The following NOX4 variants were observed in gnomAD, a reference collection of about 807,000 sequenced individuals.
NOX4 encodes the protein kidney oxidase-1.
A neutral mutation model predicts 87.6 loss-of-function variants in NOX4; 69 were observed. That is an observed-to-expected ratio of 0.79 (90% CI 0.65 to 0.96). The LOEUF (loss-of-function observed/expected upper bound fraction) is 0.96, where lower values mean the gene tolerates loss of function less well. Ranked by LOEUF, NOX4 falls within the 40% of genes least tolerant of loss-of-function variation. NOX4 has a pLI of 0.00. For synonymous variants in NOX4, 275 were observed against 238.2 expected, an observed-to-expected ratio of 1.15 and a Z score of -1.42; for missense variants, 680 against 681.5, an observed-to-expected ratio of 1.00 and a Z score of 0.02.
intron 7 of NOX4, among the ~76,000 whole-genome samples, chr11:89,426,798 A>G (rs1170234075): frequency 6.6e-6 from 1 of 152,170 alleles, no homozygotes; most frequent in Non-Finnish European, 1.5e-5. Flanking sequence ...CTCGGGGGGC[A>G]GGGCATAGCC....
At chr11:89,478,992 C>G (rs547680333) in intron 2 of NOX4, among the ~76,000 whole-genome samples, 5 of 148,472 alleles carry the variant, frequency 3.4e-5, no homozygotes, top group East Asian at 2.0e-4. Context: ...ATAATGAGAT[C>G]CTGTTTTGTT....
intron 2 of NOX4, among the ~76,000 whole-genome samples, chr11:89,455,744 A>ATATATATATATATATATATATATGTG (rs1163284365): frequency 1.4e-5 from 2 of 146,898 alleles, no homozygotes; most frequent in African/African-American, 5.2e-5. Context: ...ATATATATAT[A>ATATATATATATATATATATATATGTG]TGAAACAAAA....
chr11:89,411,334 C>T (rs1479968642), intron 8 of NOX4, among the ~76,000 whole-genome samples: 4 of 152,020 alleles, frequency 2.6e-5, no homozygotes, highest in African/African-American at 7.2e-5. Context: ...ACTCCTTCTG[C>T]GTAAGAAAAG....
At chr11:89,533,725 G>A in the NOX4 span, 1 of 152,176 alleles carries the variant, frequency 6.6e-6, no homozygotes, top group Non-Finnish European at 1.5e-5. Flanking sequence ...AAGACCCCAG[G>A]CTACGGCTAT....
intron 4 of NOX4, among the ~76,000 whole-genome samples, chr11:89,444,962 G>C (rs1181780776): frequency 6.6e-6 from 1 of 152,110 alleles, no homozygotes; most frequent in Non-Finnish European, 1.5e-5. Context: ...GGTTGGGTAA[G>C]GAAGGAGAAA....
At chr11:89,581,808 T>C in the NOX4 span, among the ~76,000 whole-genome samples, 4 of 152,284 alleles carry the variant, frequency 2.6e-5, no homozygotes, top group South Asian at 4.1e-4. Context: ...CCACAATCTA[T>C]GCCATAAACT....
chr11:89,408,735 A>T (rs1942317909), intron 8 of NOX4, among the ~76,000 whole-genome samples: 1 of 152,172 alleles, frequency 6.6e-6, no homozygotes, highest in South Asian at 2.1e-4. Context: ...TAGGAATAAC[A>T]TCATGTGTTT....
At chr11:89,518,628 C>T in the NOX4 span, among the ~76,000 whole-genome samples, 3 of 151,996 alleles carry the variant, frequency 2.0e-5, no homozygotes, top group Admixed American at 1.3e-4. Context: ...ACAGCACGTC[C>T]TCCTCCCTTA....
chr11:89,508,709 G>C, the NOX4 span, among the ~76,000 whole-genome samples: 1 of 151,988 alleles, frequency 6.6e-6, no homozygotes, highest in Non-Finnish European at 1.5e-5. Context: ...CAATCTCCCC[G>C]GCACCAGGCC....
chr11:89,369,498 C>A (rs1258685043), intron 12 of NOX4, among the ~76,000 whole-genome samples: 3 of 152,070 alleles, frequency 2.0e-5, no homozygotes, highest in African/African-American at 7.2e-5. Context: ...AACACAGTAG[C>A]TGTTTAACAT....
intron 13 of NOX4, among the ~76,000 whole-genome samples, chr11:89,344,179 T>C (rs950349860): frequency 6.6e-6 from 1 of 151,628 alleles, no homozygotes; most frequent in African/African-American, 2.4e-5. Context: ...ACATTTAATG[T>C]TCATATAAGT....
intron 6 of NOX4, 148 bp downstream of exon 6, chr11:89,440,540 G>C: frequency 2.3e-6 from 1 of 437,844 alleles, no homozygotes; most frequent in Non-Finnish European, 4.2e-6. Context: ...GATCAGGCTG[G>C]TTTCGAGTTC....
intron 8 of NOX4, among the ~76,000 whole-genome samples, chr11:89,415,114 T>C (rs948777428): frequency 2.6e-5 from 4 of 151,928 alleles, no homozygotes; most frequent in East Asian, 3.9e-4. Context: ...ATCTGTAAAA[T>C]AGAAATGATA....
chr11:89,418,589 C>T lies in NOX4; in HGVS notation c.629+3313G>A, dbSNP rs190061072. Among the ~76,000 whole-genome samples the T allele has an allele frequency of 2.0e-4, 31 of 151,728 alleles. No individual in the cohort carries two copies. The East Asian group carries it at 5.8e-3, about 28-fold the overall frequency. ...AAAATTGAGATCTGAAATATCACAACGTGAGAAACAGATGAATAGAATTTA... is the reference window on the plus strand; with the variant it reads ...AAAATTGAGATCTGAAATATCACAATGTGAGAAACAGATGAATAGAATTTA... On this transcript the variant is annotated intron_variant, in intron 8 of 17. Transcript: ENST00000263317.
At chr11:89,470,210 A>T (rs1452621867) in intron 2 of NOX4, among the ~76,000 whole-genome samples, 3 of 152,126 alleles carry the variant, frequency 2.0e-5, no homozygotes, top group Non-Finnish European at 2.9e-5. Flanking sequence ...TCATCATCCT[A>T]GTGTCCCTTG....
intron 14 of NOX4, among the ~76,000 whole-genome samples, chr11:89,340,659 T>A (rs1171525889): frequency 6.6e-6 from 1 of 152,164 alleles, no homozygotes. Flanking sequence ...GTTTATCCCC[T>A]CTTAAAAATC....
At chr11:89,381,291 G>A (rs1394526019) in intron 11 of NOX4, among the ~76,000 whole-genome samples, 1 of 152,104 alleles carries the variant, frequency 6.6e-6, no homozygotes, top group Non-Finnish European at 1.5e-5. Flanking sequence ...CAGATGTCAG[G>A]AAAGCATGTT....
chr11:89,497,127 G>T (rs1458193742), upstream of NOX4, among the ~76,000 whole-genome samples: 2 of 152,206 alleles, frequency 1.3e-5, no homozygotes, highest in Non-Finnish European at 2.9e-5. Context: ...TCCCAGGTGT[G>T]TAGAGATTTA....
intron 6 of NOX4, among the ~76,000 whole-genome samples, chr11:89,433,887 C>G (rs568103852): frequency 2.0e-5 from 3 of 152,102 alleles, no homozygotes; most frequent in East Asian, 3.9e-4. Flanking sequence ...ATATCCTAAA[C>G]AGCTAAAGTG....
Sources: allele counts gnomAD v4.1 joint callset (sites outside exome capture counted in the v4.1 genomes callset), GRCh38; gene constraint gnomAD v4.1.1; transcripts MANE v1.5; gene names NCBI Gene and HGNC (gene_info 2026-07-23, HGNC 2026-07-21).